Variants in LPXN observed in about 807,000 individuals in gnomAD.
LPXN encodes leupaxin.
In LPXN, 28 loss-of-function variants were observed where a neutral mutation model predicts 45.6. The observed-to-expected ratio is 0.61, with a 90% confidence interval of 0.45 to 0.84. The LOEUF is 0.84. Among genes scored for constraint, LPXN ranks in the 40% least tolerant of loss-of-function variants. The pLI, the probability that LPXN is intolerant of heterozygous loss-of-function variation, is 0.00. For missense variants in LPXN, 459 were observed against 475.0 expected, an observed-to-expected ratio of 0.97 and a Z score of 0.31; for synonymous variants, 166 against 169.9, an observed-to-expected ratio of 0.98 and a Z score of 0.18.
chr11:58,534,555 C>A (rs536222752), intron 7 of LPXN, among the ~76,000 whole-genome samples: 2 of 152,122 alleles, frequency 1.3e-5, no homozygotes, highest in South Asian at 4.1e-4. Context: ...GCACTAAATG[C>A]CCACAAGAGA....
intron 1 of LPXN, among the ~76,000 whole-genome samples, chr11:58,573,024 T>A (rs1590592477): frequency 6.6e-6 from 1 of 151,874 alleles, no homozygotes; most frequent in Non-Finnish European, 1.5e-5. Flanking sequence ...GGCGGGCGGA[T>A]CGCCTGAGGT....
At chr11:58,567,582 T>G (rs1022476448) in intron 2 of LPXN, among the ~76,000 whole-genome samples, 2 of 152,244 alleles carry the variant, frequency 1.3e-5, no homozygotes, top group African/African-American at 4.8e-5. Context: ...CACAATGACA[T>G]GTACATAGGC....
chr11:58,533,590 A>G (rs1399844752), intron 7 of LPXN, among the ~76,000 whole-genome samples: 1 of 152,240 alleles, frequency 6.6e-6, no homozygotes, highest in Non-Finnish European at 1.5e-5. Context: ...AAGACCATAG[A>G]TGCTATGAAG....
chr11:58,570,672 T>C lies in LPXN; in HGVS notation c.55A>G (p.Ser19Gly). ...GGAGCTGGGTTGGAATATTCATCACTGTCCTGAAGGGTGGAGCGTTCCAGT... is the reference window on the plus strand; with the variant it reads ...GGAGCTGGGTTGGAATATTCATCACCGTCCTGAAGGGTGGAGCGTTCCAGT... ...EELERSTLQD[S>G]DEYSNPAPLP... The change falls in exon 2 of 9, where the codon AGT becomes GGT. Residue 19 changes from serine (S) to glycine (G), a missense_variant. Coordinates refer to ENST00000395074, the MANE Select transcript of LPXN (RefSeq NM_004811.3). The C allele has an allele frequency of 6.2e-7, 1 of 1,613,622 alleles. No homozygotes were observed. The highest frequency in any genetic ancestry group is 8.5e-7 in the Non-Finnish European group (1 of 1,179,678).
intron 7 of LPXN, among the ~76,000 whole-genome samples, chr11:58,539,325 C>T (rs1853646471): frequency 6.6e-6 from 1 of 152,108 alleles, no homozygotes; most frequent in Non-Finnish European, 1.5e-5. Context: ...AATTTAAAAA[C>T]CTTAAAAAGT....
At chr11:58,546,234 C>T (rs115017314) in intron 7 of LPXN, among the ~76,000 whole-genome samples, 1,665 of 152,210 alleles carry the variant, frequency 0.011, 38 homozygotes, top group African/African-American at 0.038. Context: ...ATCAAGCCAT[C>T]TTGAATATGA....
At chr11:58,532,019 G>T (rs1364937665) in intron 7 of LPXN, among the ~76,000 whole-genome samples, 1 of 152,248 alleles carries the variant, frequency 6.6e-6, no homozygotes, top group Non-Finnish European at 1.5e-5. Context: ...GGTAGCACGG[G>T]ATCAGCAGGC....
chr11:58,541,163 G>C (rs1015289156), intron 7 of LPXN, among the ~76,000 whole-genome samples: 1 of 152,052 alleles, frequency 6.6e-6, no homozygotes, highest in African/African-American at 2.4e-5. Flanking sequence ...AAAAAGCAAT[G>C]GCAACAAAAG....
At chr11:58,537,034 G>A (rs1466940448) in intron 7 of LPXN, among the ~76,000 whole-genome samples, 1 of 152,194 alleles carries the variant, frequency 6.6e-6, no homozygotes, top group African/African-American at 2.4e-5. Flanking sequence ...AGGATATGGA[G>A]AAATAGGAAT....
At chr11:58,555,857 T>A (rs1482036639) in intron 3 of LPXN, among the ~76,000 whole-genome samples, 1 of 151,754 alleles carries the variant, frequency 6.6e-6, no homozygotes, top group East Asian at 1.9e-4. Flanking sequence ...AAGTGTGATA[T>A]TAAAAAGTGA....
intron 7 of LPXN, among the ~76,000 whole-genome samples, chr11:58,546,905 GA>G (rs1191358746): frequency 6.6e-6 from 1 of 152,058 alleles, no homozygotes; most frequent in Non-Finnish European, 1.5e-5. Flanking sequence ...AACAGGTAAA[GA>G]AAAAGGAAAA....
At position 58,545,102 on chromosome 11, in the gene LPXN, C is replaced by A. The variant is rs11229521; in HGVS notation, c.742+4684G>T. 1.2e-3 allele frequency among the ~76,000 whole-genome samples: 185 copies of A among 152,130 alleles called. 6 individuals are homozygous for A. In the East Asian group the frequency reaches 0.032, roughly 27 times the overall value. Reference sequence around the variant, plus strand: ...CCAGGCATAAAAAGGAAAATACAACCCAAGTGGAGCTTCTGATCAATAAAT... The same window carrying A: ...CCAGGCATAAAAAGGAAAATACAACACAAGTGGAGCTTCTGATCAATAAAT... On this transcript the variant is annotated intron_variant, in intron 7 of 8. Coordinates refer to ENST00000395074, the MANE Select transcript of LPXN (RefSeq NM_004811.3).
rs1314170840 is a variant in LPXN at position 58,526,975 on chromosome 11, T to A, written c.*479A>T. The A allele has an allele frequency of 1.3e-5, 2 of 155,034 alleles. No homozygotes were observed. The highest frequency in any genetic ancestry group is 4.8e-5 in the African/African-American group (2 of 41,460). The allele number at this position is 155,034 out of a possible 1,614,324, so 9.6% of individuals were successfully genotyped here. On this transcript the variant is annotated 3_prime_UTR_variant, in exon 9 of 9. Transcript: ENST00000395074. ...AAAACAAAAATACACTGAAGGAAGA[T>A]GCAAAGAGCTAAAAGTGGTATCATG...
intron 7 of LPXN, among the ~76,000 whole-genome samples, chr11:58,549,245 T>C (rs183460462): frequency 8.5e-5 from 13 of 152,108 alleles, no homozygotes; most frequent in Non-Finnish European, 1.5e-4. Context: ...AATACAAAAA[T>C]TAACCGGGTG....
At chr11:58,542,840 T>C (rs1021543929) in intron 7 of LPXN, among the ~76,000 whole-genome samples, 12 of 152,104 alleles carry the variant, frequency 7.9e-5, no homozygotes, top group Non-Finnish European at 1.3e-4. Flanking sequence ...TAGAAAAACA[T>C]TGGTAGGAAA....
chr11:58,578,274 A>C (rs1353909173), upstream of LPXN: 2 of 466,470 alleles, frequency 4.3e-6, no homozygotes, highest in Non-Finnish European at 3.8e-6. Context: ...AAAAAGGTAA[A>C]CTCTAGACTG....
intron 2 of LPXN, among the ~76,000 whole-genome samples, chr11:58,569,748 C>G (rs1028125383): frequency 2.0e-5 from 3 of 152,098 alleles, no homozygotes; most frequent in African/African-American, 7.2e-5. Context: ...AGTTGGTTCC[C>G]TAGAGCTTCA....
At chr11:58,569,828 G>T (rs1413226166) in intron 2 of LPXN, among the ~76,000 whole-genome samples, 2 of 152,146 alleles carry the variant, frequency 1.3e-5, no homozygotes, top group African/African-American at 4.8e-5. Context: ...GGGAAGTAGT[G>T]ACCCTAAAAA....
intron 2 of LPXN, among the ~76,000 whole-genome samples, chr11:58,569,579 G>A (rs1420251165): frequency 6.6e-6 from 1 of 151,898 alleles, no homozygotes; most frequent in Non-Finnish European, 1.5e-5. Flanking sequence ...CGTAGAGATG[G>A]GGGTCTCACC....
Sources: gnomAD v4.1 joint callset for allele counts (sites outside exome capture counted in the v4.1 genomes callset) on GRCh38, gnomAD v4.1.1 for gene constraint, MANE v1.5 for transcripts, NCBI Gene and HGNC (gene_info 2026-07-23, HGNC 2026-07-21) for gene names.